The following EVC variants were observed in gnomAD, a reference collection of about 807,000 sequenced individuals.
EVC encodes evC complex member EVC.
A neutral mutation model predicts 118.9 loss-of-function variants in EVC; 116 were observed. The observed-to-expected ratio is 0.98, with a 90% CI of 0.84 to 1.14. The LOEUF (loss-of-function observed/expected upper bound fraction) is 1.14, where lower values mean the gene tolerates loss of function less well. Among genes scored for constraint, EVC ranks in the 50% most tolerant of loss-of-function variants. EVC has a pLI of 0.00. For synonymous variants in EVC, 619 were observed against 534.7 expected (o/e 1.16, Z -2.18); for missense variants, 1,401 against 1,246.4 (o/e 1.12, Z -1.87).
At chr4:5,715,243 A>G (rs1288057791) in intron 1 of EVC, among the ~76,000 whole-genome samples, 1 of 152,232 alleles carries the variant, frequency 6.6e-6, no homozygotes, top group Non-Finnish European at 1.5e-5. Context: ...TGAGAAAAAT[A>G]TCTCTCCCAG....
chr4:5,711,605 C>T, intron 1 of EVC, 51 bp downstream of exon 1: 1 of 1,147,444 alleles, frequency 8.7e-7, no homozygotes, highest in Non-Finnish European at 1.1e-6. Flanking sequence ...GGGCGCGTGG[C>T]TTCTGGGTCC....
chr4:5,765,802 C>T (rs980302190), intron 11 of EVC, among the ~76,000 whole-genome samples: 11 of 150,390 alleles, frequency 7.3e-5, no homozygotes, highest in Non-Finnish European at 1.2e-4. Context: ...TGTGTGTCTG[C>T]ACGTGAGATG....
intron 12 of EVC, among the ~76,000 whole-genome samples, chr4:5,790,353 T>C (rs757493673): frequency 6.6e-6 from 1 of 152,202 alleles, no homozygotes; most frequent in Non-Finnish European, 1.5e-5. Context: ...GCAAGTGTTA[T>C]GAATCACAGC....
At chr4:5,786,413 G>T (rs976012998) in intron 12 of EVC, among the ~76,000 whole-genome samples, 2 of 152,198 alleles carry the variant, frequency 1.3e-5, no homozygotes, top group African/African-American at 4.8e-5. Flanking sequence ...GCATACGATT[G>T]TGAATTTTTC....
the EVC span, chr4:5,828,771 A>C: frequency 2.9e-6 from 4 of 1,356,634 alleles, no homozygotes; most frequent in Non-Finnish European, 9.9e-7. Context: ...GCGTGTTCCA[A>C]TGTTTTTTTT....
At chr4:5,817,908 G>A (rs1026842814), downstream of EVC, among the ~76,000 whole-genome samples, 2 of 152,192 alleles carry the variant, frequency 1.3e-5, no homozygotes, top group African/African-American at 4.8e-5. Context: ...TGAAGGAAAA[G>A]TATGTGCAAA....
intron 2 of EVC, among the ~76,000 whole-genome samples, chr4:5,728,337 T>A (rs1335141001): frequency 2.6e-5 from 4 of 151,846 alleles, no homozygotes; most frequent in Non-Finnish European, 4.4e-5. Context: ...TTGAAGCAAT[T>A]GTGAATGGGA....
intron 13 of EVC, among the ~76,000 whole-genome samples, chr4:5,794,307 T>TTGTATATTTA (rs1553890282): frequency 1.7e-5 from 2 of 119,250 alleles, no homozygotes; most frequent in African/African-American, 6.6e-5. Context: ...ATTTATATTT[T>TTGTATATTTA]TATATATTTA....
At chr4:5,713,697 A>C (rs1223463675) in intron 1 of EVC, among the ~76,000 whole-genome samples, 1 of 146,242 alleles carries the variant, frequency 6.8e-6, no homozygotes, top group Admixed American at 6.8e-5. Context: ...AAAAAAAAAA[A>C]ATTAGAGACC....
intron 9 of EVC, among the ~76,000 whole-genome samples, chr4:5,753,288 T>G (rs1029915207): frequency 2.6e-5 from 4 of 152,198 alleles, no homozygotes; most frequent in African/African-American, 7.2e-5. Context: ...CCTGCTGCAC[T>G]CACTCACCAG....
rs949850381 is a variant in EVC, at chr4:5,743,496, C to T, written c.801+1682C>T. Among the ~76,000 whole-genome samples the T allele has an allele frequency of 1.6e-4, 24 of 152,280 alleles. No individual in the cohort carries two copies. Among genetic ancestry groups the T allele is most frequent in the African/African-American group, 5.5e-4 (23 of 41,530 alleles). ...TCATCAGCACCACCATCATCACCATCTTCATCAGCACCACCATCACCACCT... is the reference window on the plus strand; with the variant it reads ...TCATCAGCACCACCATCATCACCATTTTCATCAGCACCACCATCACCACCT... On this transcript the variant is annotated intron_variant, in intron 6 of 20. Transcript: ENST00000264956. The surrounding 1 kb of genome is among the most constrained non-coding windows in gnomAD (Gnocchi z 4.7).
chr4:5,711,207 C>A lies in EVC; in HGVS notation c.-174C>A. The A allele has an allele frequency of 3.5e-6, 1 of 283,500 alleles. No homozygotes were observed. Among genetic ancestry groups the A allele is most frequent in the Non-Finnish European group, 5.3e-6 (1 of 187,304 alleles). 17.6% of individuals were successfully genotyped at this position (283,500 alleles called of 1,614,324 possible). ...GTGATCCAGGCTCCTCCCTCCGGCT[C>A]GGCGAAGCAGGGAAGGGGAGAGAAG... On this transcript the variant is annotated 5_prime_UTR_variant, in exon 1 of 21. Coordinates refer to ENST00000264956, the MANE Select transcript of EVC (RefSeq NM_153717.3).
intron 5 of EVC, among the ~76,000 whole-genome samples, chr4:5,736,525 T>A (rs1280544072): frequency 2.1e-4 from 31 of 149,124 alleles, no homozygotes; most frequent in East Asian, 2.0e-4. Context: ...TTTTTTTTTT[T>A]ACAAATTGAA....
chr4:5,745,320 C>A lies in EVC; in HGVS notation c.918C>A (p.Tyr306Ter), dbSNP rs1560323242. The A allele has an allele frequency of 2.5e-6, 4 of 1,613,920 alleles. No homozygotes were observed. The highest frequency in any genetic ancestry group is 3.4e-6 in the Non-Finnish European group (4 of 1,179,962). ...ATGTGGAAAAGAAGGAGAGAGAATA[C>A]TCTGAACAGCTAATCGATAATGTGC... The part of the protein sequence containing the change: ...LADVEKKERE[Y>*]SEQLIDNMEA... Residue 306 changes from tyrosine (Y) to a stop codon, truncating the protein, a stop_gained, in exon 7 of 21, where the codon TAC becomes TAA. Coordinates refer to ENST00000264956, the MANE Select transcript of EVC (RefSeq NM_153717.3). LOFTEE classifies it high-confidence loss of function.
chr4:5,726,583 T>TTTTA (rs397992166), intron 2 of EVC, among the ~76,000 whole-genome samples: 5 of 148,312 alleles, frequency 3.4e-5, no homozygotes, highest in African/African-American at 1.0e-4. Flanking sequence ...TTTTTTTTTT[T>TTTTA]ATTATACTTT....
intron 11 of EVC, among the ~76,000 whole-genome samples, chr4:5,781,724 C>G (rs1735626544): frequency 6.6e-6 from 1 of 152,094 alleles, no homozygotes; most frequent in Non-Finnish European, 1.5e-5. Context: ...TCTATAGTCC[C>G]AGCTATTTGG....
intron 16 of EVC, among the ~76,000 whole-genome samples, chr4:5,802,532 A>G (rs1225408417): frequency 6.6e-6 from 1 of 152,214 alleles, no homozygotes; most frequent in Non-Finnish European, 1.5e-5. Context: ...TGGAATATAC[A>G]GTGAAATAAT....
In EVC at chr4:5,789,110, A is replaced by G. The variant is rs1712272189; in HGVS notation, c.1777-4498A>G. Among the ~76,000 whole-genome samples the G allele has an allele frequency of 6.6e-6, 1 of 152,194 alleles. No homozygotes were observed. The highest frequency in any genetic ancestry group is 1.5e-5 in the Non-Finnish European group (1 of 68,034). ...TGGCAGTGACTTTTCTCTGTTAGTG[A>G]TACTGGAAATAATTGGGCATCTTAC... On this transcript the variant is annotated intron_variant, in intron 12 of 20. Coordinates refer to ENST00000264956, the MANE Select transcript of EVC (RefSeq NM_153717.3). The surrounding 1 kb of genome is among the most constrained non-coding windows in gnomAD (Gnocchi z 4.3).
intron 8 of EVC, among the ~76,000 whole-genome samples, chr4:5,750,159 T>C (rs1185197077): frequency 6.6e-6 from 1 of 152,192 alleles, no homozygotes; most frequent in Non-Finnish European, 1.5e-5. Context: ...CCGTCCTCTC[T>C]AATGACATCG....
Sources: gnomAD v4.1 joint callset for allele counts (sites outside exome capture counted in the v4.1 genomes callset) on GRCh38, gnomAD v4.1.1 for gene constraint, Gnocchi (gnomAD v3.1) non-coding constraint, MANE v1.5 for transcripts, NCBI Gene and HGNC (gene_info 2026-07-23, HGNC 2026-07-21) for gene names.